The following ATP6V1A variants were observed in gnomAD, a reference collection of about 807,000 sequenced individuals.
The protein encoded by ATP6V1A is ATPase H+ transporting V1 subunit A.
ATP6V1A carries 18 observed loss-of-function variants against 70.1 expected under a neutral mutation model. The observed-to-expected ratio is 0.26, with a 90% CI of 0.18 to 0.38. The LOEUF is 0.38. ATP6V1A is among the 10% of genes least tolerant of loss of function. The pLI is 1.00. For missense variants in ATP6V1A, 424 were observed against 772.4 expected, an observed-to-expected ratio of 0.55 and a Z score of 5.35; for synonymous variants, 232 against 253.8, an observed-to-expected ratio of 0.91 and a Z score of 0.82.
intron 1 of ATP6V1A, among the ~76,000 whole-genome samples, chr3:113,777,113 A>G (rs1208820317): frequency 1.3e-5 from 2 of 152,216 alleles, no homozygotes; most frequent in Admixed American, 6.5e-5. Context: ...AATTGGTAAT[A>G]GTTATTAAGG....
chr3:113,769,032 A>G (rs758712489), intron 1 of ATP6V1A, among the ~76,000 whole-genome samples: 7 of 152,258 alleles, frequency 4.6e-5, no homozygotes, highest in Non-Finnish European at 8.8e-5. Flanking sequence ...AATAGGCTTA[A>G]CAAATTTTGA....
At chr3:113,760,597 G>GGGTGCCTGTT (rs959433222) in intron 1 of ATP6V1A, among the ~76,000 whole-genome samples, 12 of 148,178 alleles carry the variant, frequency 8.1e-5, no homozygotes, top group Non-Finnish European at 1.5e-4. Context: ...GCGTGGTGGC[G>GGGTGCCTGTT]GGTGCCTGTA....
In ATP6V1A at chr3:113,780,707, A is replaced by G. The variant is rs1254378153; in HGVS notation, c.83-343A>G. 3 of 1,277,452 alleles carry G rather than the reference A, an allele frequency of 2.3e-6. No individual in the cohort carries two copies. In the South Asian group the frequency reaches 3.8e-5, roughly 16 times the overall value. The allele number at this position is 1,277,452 out of a possible 1,614,324, so 79.1% of individuals were successfully genotyped here. ...ACCATTTATTCCAATTTCTACTTTTAAAAGTTTTTTTTATTGTTCCAAAGC... is the reference window on the plus strand; with the variant it reads ...ACCATTTATTCCAATTTCTACTTTTGAAAGTTTTTTTTATTGTTCCAAAGC... On this transcript the variant is annotated intron_variant, in intron 2 of 14. Transcript: ENST00000273398.
At chr3:113,749,585 C>T (rs1708562552) in intron 1 of ATP6V1A, among the ~76,000 whole-genome samples, 1 of 152,100 alleles carries the variant, frequency 6.6e-6, no homozygotes, top group South Asian at 2.1e-4. Flanking sequence ...TCATCATCAT[C>T]ATCTTTTCTA....
At chr3:113,777,731 C>G (rs1173604139) in intron 1 of ATP6V1A, among the ~76,000 whole-genome samples, 3 of 152,084 alleles carry the variant, frequency 2.0e-5, no homozygotes, top group Admixed American at 2.0e-4. Flanking sequence ...CCTGCCAAAT[C>G]GACGGAGACA....
At position 113,784,382 on chromosome 3, in the gene ATP6V1A, G is replaced by C; in HGVS notation, c.370G>C (p.Val124Leu). Residue 124 changes from valine to leucine, a missense_variant, in exon 4 of 15, where the codon GTG becomes CTG. Physicochemically the swap from Val to Leu is conservative, Grantham distance 32. Coordinates refer to ENST00000273398, the MANE Select transcript of ATP6V1A (RefSeq NM_001690.4). The stretch of plus-strand genomic sequence containing the variant: ...CATCTACATCCCCAGAGGAGTAAAC[G>C]TGTCTGCTCTTAGCAGAGATATCAA... ...QSIYIPRGVNVSALSRDIKWD... is the reference protein window; with the variant it reads ...QSIYIPRGVNLSALSRDIKWD... The C allele has an allele frequency of 6.2e-7, 1 of 1,614,132 alleles. No homozygotes were observed. Among genetic ancestry groups the C allele is most frequent in the Non-Finnish European group, 8.5e-7 (1 of 1,180,014 alleles).
intron 3 of ATP6V1A, among the ~76,000 whole-genome samples, chr3:113,782,728 A>G (rs867585016): frequency 1.3e-5 from 2 of 151,296 alleles, no homozygotes; most frequent in African/African-American, 4.9e-5. Flanking sequence ...GGTTTGAGCA[A>G]TTCTCTGCCT....
At chr3:113,808,326 T>C (rs1244551297) in intron 14 of ATP6V1A, among the ~76,000 whole-genome samples, 2 of 119,186 alleles carry the variant, frequency 1.7e-5, no homozygotes, top group Non-Finnish European at 3.3e-5. Flanking sequence ...AGAGTGTCAC[T>C]CTGTCACTAG....
At position 113,766,326 on chromosome 3, in the gene ATP6V1A, C is replaced by T. The variant is rs560846354; in HGVS notation, c.-13-12415C>T. On this transcript the variant is annotated intron_variant, in intron 1 of 14. Coordinates refer to ENST00000273398, the MANE Select transcript of ATP6V1A (RefSeq NM_001690.4). ...TTTTTCGCTTCCCTTGAGACAGTCT[C>T]GCTCTGTCACCCAGGCTGGAGTGCA... Among the ~76,000 whole-genome samples, 9 of 152,134 alleles carry T rather than the reference C, an allele frequency of 5.9e-5. No homozygotes were observed. The East Asian group carries it at 1.4e-3, about 23-fold the overall frequency.
At position 113,786,268 on chromosome 3, in the gene ATP6V1A, G is replaced by A; in HGVS notation, c.601G>A (p.Glu201Lys). 1 of 1,610,578 alleles carries A rather than the reference G, an allele frequency of 6.2e-7. No homozygotes were observed. The highest frequency in any genetic ancestry group is 2.2e-5 in the East Asian group (1 of 44,708). ...GGAGCTTGAATTTGAAGGTGTAAAG[G>A]AGAAGTTCACCATGGTGCAAGTATG... The part of the protein sequence containing the change: ...VLELEFEGVK[E>K]KFTMVQVWPV... The change falls in exon 6 of 15, where the codon GAG becomes AAG. Residue 201 changes from glutamate to lysine, a missense_variant. By Grantham distance (56) the Glu-to-Lys change is moderately conservative (BLOSUM62 1). Coordinates refer to ENST00000273398, the MANE Select transcript of ATP6V1A (RefSeq NM_001690.4).
intron 8 of ATP6V1A, 84 bp downstream of exon 8, chr3:113,789,924 C>A: frequency 1.0e-6 from 1 of 995,760 alleles, no homozygotes; most frequent in Non-Finnish European, 1.5e-6. Context: ...GAGCTTTTTA[C>A]TTTCATTCTA....
chr3:113,791,301 A>G (rs1349226969), intron 8 of ATP6V1A, among the ~76,000 whole-genome samples: 1 of 148,242 alleles, frequency 6.7e-6, no homozygotes, highest in South Asian at 2.1e-4. Context: ...CTTCACTTCT[A>G]TTTCTTTTTG....
intron 1 of ATP6V1A, among the ~76,000 whole-genome samples, chr3:113,748,927 G>A (rs1409853056): frequency 1.3e-5 from 2 of 151,408 alleles, no homozygotes; most frequent in Admixed American, 6.6e-5. Flanking sequence ...GAGGAGAGGG[G>A]AAGAAAAAAA....
At chr3:113,751,728 T>G (rs1210624417) in intron 1 of ATP6V1A, among the ~76,000 whole-genome samples, 1 of 151,340 alleles carries the variant, frequency 6.6e-6, no homozygotes, top group East Asian at 1.9e-4. Context: ...GTATATAAAG[T>G]ACGCAATGTG....
At chr3:113,748,814 A>G (rs1351088180) in intron 1 of ATP6V1A, among the ~76,000 whole-genome samples, 4 of 152,216 alleles carry the variant, frequency 2.6e-5, no homozygotes, top group Non-Finnish European at 4.4e-5. Flanking sequence ...ATACTGGACA[A>G]TAGACTAATG....
chr3:113,763,299 G>A (rs1027457821), intron 1 of ATP6V1A, among the ~76,000 whole-genome samples: 1 of 152,150 alleles, frequency 6.6e-6, no homozygotes, highest in Non-Finnish European at 1.5e-5. Context: ...GTGTTAGCCA[G>A]GATGGTCTCG....
intron 12 of ATP6V1A, among the ~76,000 whole-genome samples, chr3:113,800,231 CAAAA>C (rs74642409): frequency 2.9e-4 from 24 of 82,702 alleles, no homozygotes; most frequent in African/African-American, 9.4e-4. Context: ...GACTCCATCT[CAAAA>C]AAAAAAAAAA....
chr3:113,784,105 A>G (rs1347721738), intron 3 of ATP6V1A, 119 bp from the exon 4 acceptor site: 2 of 906,494 alleles, frequency 2.2e-6, no homozygotes, highest in Non-Finnish European at 3.4e-6. Context: ...GTGAACTGAG[A>G]AAGTTTGGGA....
intron 6 of ATP6V1A, 82 bp from the exon 7 acceptor site, chr3:113,788,631 G>GTA (rs1278990821): frequency 5.1e-6 from 7 of 1,380,858 alleles, no homozygotes; most frequent in Non-Finnish European, 6.9e-6. Flanking sequence ...TTACAGGCGT[G>GTA]AGCCACCGCG....
Sources: gnomAD v4.1 joint callset for allele counts (sites outside exome capture counted in the v4.1 genomes callset) on GRCh38, gnomAD v4.1.1 for gene constraint, MANE v1.5 for transcripts, NCBI Gene and HGNC (gene_info 2026-07-23, HGNC 2026-07-21) for gene names.